CD300C: variants seen among roughly 807,000 people sequenced by gnomAD.
The protein encoded by CD300C is CD300c molecule, also known as CMRF35-like molecule 6.
A neutral mutation model predicts 18.4 loss-of-function variants in CD300C; 11 were observed. The observed-to-expected ratio is 0.60, with a 90% CI of 0.38 to 0.99. The LOEUF (loss-of-function observed/expected upper bound fraction) is 0.99, where lower values mean the gene tolerates loss of function less well. CD300C is among the 50% of genes least tolerant of loss of function. The pLI is 0.01. For synonymous variants in CD300C, 116 were observed against 116.3 expected, an observed-to-expected ratio of 1.00 and a Z score of 0.02; for missense variants, 277 against 287.4, an observed-to-expected ratio of 0.96 and a Z score of 0.26.
At chr17:74,545,644 C>T (rs1908734077) in intron 1 of CD300C, 78 bp downstream of exon 1, 9 of 1,170,000 alleles carry the variant, frequency 7.7e-6, no homozygotes, top group Non-Finnish European at 1.1e-5. Context: ...TCTATGACCG[C>T]TACTCCAGCG....
chr17:74,544,151 TG>T (rs1408210765), intron 2 of CD300C, among the ~76,000 whole-genome samples: 8 of 152,000 alleles, frequency 5.3e-5, no homozygotes, highest in Admixed American at 1.3e-4. Context: ...GAGCCAATGA[TG>T]GGGGGGTCCA....
chr17:74,541,507 C>G lies in CD300C; in HGVS notation c.*82G>C. 1.1e-6 allele frequency: 1 copy of G among 922,676 alleles called. No homozygotes were observed. Among genetic ancestry groups the G allele is most frequent in the Non-Finnish European group, 1.8e-6 (1 of 556,788 alleles). The allele number at this position is 922,676 out of a possible 1,614,324, so 57.2% of individuals were successfully genotyped here. ...ATTCCAGGAGATGTGGAGAGAGCAG[C>G]CCGGGAGGGAGTGGTCAGGAGGTCA... On this transcript the variant is annotated 3_prime_UTR_variant, in exon 4 of 4. Coordinates refer to ENST00000330793, the MANE Select transcript of CD300C (RefSeq NM_006678.5).
At chr17:74,543,402 G>T (rs1908629555) in intron 2 of CD300C, among the ~76,000 whole-genome samples, 1 of 152,226 alleles carries the variant, frequency 6.6e-6, no homozygotes, top group Non-Finnish European at 1.5e-5. Flanking sequence ...AAGTCAGTGG[G>T]GTCCTCCCTG....
intron 1 of CD300C, among the ~76,000 whole-genome samples, chr17:74,545,188 G>T (rs1208841472): frequency 6.6e-6 from 1 of 152,182 alleles, no homozygotes; most frequent in Admixed American, 6.5e-5. Context: ...GTGTGTGCGG[G>T]CCTGTGTGTG....
At chr17:74,539,398 A>T (rs1200343011), downstream of CD300C, among the ~76,000 whole-genome samples, 1 of 152,076 alleles carries the variant, frequency 6.6e-6, no homozygotes, top group African/African-American at 2.4e-5. Context: ...TTCAGGTCTG[A>T]CCTTGACCCA....
At chr17:74,541,854 C>T in intron 3 of CD300C, 118 bp from the exon 4 acceptor site, 1 of 1,081,060 alleles carries the variant, frequency 9.3e-7, no homozygotes, top group Non-Finnish European at 1.3e-6. Context: ...CATAAGCACC[C>T]CCCTGGACAG....
chr17:74,539,562 T>C (rs1908480098), downstream of CD300C, among the ~76,000 whole-genome samples: 1 of 152,158 alleles, frequency 6.6e-6, no homozygotes, highest in African/African-American at 2.4e-5. Flanking sequence ...TGGCTCCTGC[T>C]GTCACAGGAT....
chr17:74,535,079 A>G, the CD300C span, among the ~76,000 whole-genome samples: 1 of 152,260 alleles, frequency 6.6e-6, no homozygotes, highest in African/African-American at 2.4e-5. Flanking sequence ...ACAATTACTA[A>G]GATTTTTTGC....
Position 74,541,618 on chromosome 17 carries a change from G to T in CD300C, c.646C>A (p.Gln216Lys). ...NRPQRSSRSR[Q>K]NWPKGENQ Reference sequence around the variant, plus strand: ...TGGTTCTCACCCTTGGGCCAATTCTGCCTGCTTCTAGAGCTTCTCTGAGGT... The same window carrying T: ...TGGTTCTCACCCTTGGGCCAATTCTTCCTGCTTCTAGAGCTTCTCTGAGGT... The change falls in exon 4 of 4, where the codon CAG becomes AAG. Residue 216 changes from glutamine to lysine, a missense_variant. Physicochemically the swap from Gln to Lys is moderately conservative, Grantham distance 53. Coordinates refer to ENST00000330793, the MANE Select transcript of CD300C (RefSeq NM_006678.5). 2 of 1,613,866 alleles carry T rather than the reference G, an allele frequency of 1.2e-6. No homozygotes were observed. The highest frequency in any genetic ancestry group is 1.7e-6 in the Non-Finnish European group (2 of 1,179,808).
At position 74,542,958 on chromosome 17, in the gene CD300C, T is replaced by C. The variant is rs963308937; in HGVS notation, c.430A>G (p.Ser144Gly). The C allele has an allele frequency of 8.1e-6, 13 of 1,613,522 alleles. No individual in the cohort carries two copies. The highest frequency in any genetic ancestry group is 1.1e-5 in the Non-Finnish European group (13 of 1,180,020). The stretch of plus-strand genomic sequence containing the variant: ...GGAGGACCTGAGGTGCCCATGGAGC[T>C]CTGGGGGCTGGAGGCTGTGGTCGTC... ...AGTTTASSPQSSMGTSGPPTK... is the reference protein window; with the variant it reads ...AGTTTASSPQGSMGTSGPPTK... The change falls in exon 3 of 4, where the codon AGC becomes GGC. Residue 144 changes from serine to glycine, a missense_variant. Coordinates refer to ENST00000330793, the MANE Select transcript of CD300C (RefSeq NM_006678.5).
At chr17:74,536,490 G>T (rs1165845690), downstream of CD300C, among the ~76,000 whole-genome samples, 12 of 136,372 alleles carry the variant, frequency 8.8e-5, no homozygotes, top group Admixed American at 4.2e-4. Flanking sequence ...CCGAGATCAC[G>T]CCACTGCACT....
chr17:74,545,967 T>G lies in CD300C; in HGVS notation c.-185A>C. The G allele has an allele frequency of 1.7e-6, 1 of 597,970 alleles. No individual in the cohort carries two copies. Among genetic ancestry groups the G allele is most frequent in the Non-Finnish European group, 3.0e-6 (1 of 331,928 alleles). 37.0% of individuals were successfully genotyped at this position (597,970 alleles called of 1,614,324 possible). A position where few individuals can be genotyped will look rare whatever the true frequency, so the allele number is the denominator to read the frequency against. ...CAGGAAGCTCAGGGAGAGAGCCGCC[T>G]GGGCTGAGGCCGGTGCTGACAGCTC... On this transcript the variant is annotated 5_prime_UTR_variant, in exon 1 of 4. Transcript: ENST00000330793.
the CD300C span, among the ~76,000 whole-genome samples, chr17:74,535,593 A>G: frequency 6.6e-6 from 1 of 152,162 alleles, no homozygotes; most frequent in South Asian, 2.1e-4. Flanking sequence ...AAGACATTTT[A>G]AAAGCTCATA....
chr17:74,537,224 G>GA (rs1908408256), downstream of CD300C, among the ~76,000 whole-genome samples: 1 of 152,074 alleles, frequency 6.6e-6, no homozygotes, highest in Non-Finnish European at 1.5e-5. Flanking sequence ...AGAAAGAAAA[G>GA]AAACAACCTA....
chr17:74,539,753 G>A (rs1823051493), downstream of CD300C, among the ~76,000 whole-genome samples: 3 of 152,214 alleles, frequency 2.0e-5, no homozygotes, highest in African/African-American at 7.2e-5. Flanking sequence ...TTGCCTGCGT[G>A]TTCCTTGACC....
At chr17:74,543,663 G>A (rs1908641083) in intron 2 of CD300C, among the ~76,000 whole-genome samples, 1 of 152,162 alleles carries the variant, frequency 6.6e-6, no homozygotes, top group Non-Finnish European at 1.5e-5. Context: ...GGCGCAGGAG[G>A]GACACGTCGC....
Position 74,545,923 on chromosome 17 carries a change from G to A in CD300C, c.-141C>T. ...TGTCCAGCCCTGTCTCAGGTCTGAG[G>A]CTGGAGAGGGTCAGGGTACAGGAAG... is the stretch of plus-strand genomic sequence containing the variant. On this transcript the variant is annotated 5_prime_UTR_variant, in exon 1 of 4. Transcript: ENST00000330793. 1.3e-6 allele frequency: 1 copy of A among 741,554 alleles called. No individual in the cohort carries two copies. The highest frequency in any genetic ancestry group is 2.1e-5 in the Admixed American group (1 of 46,832). The allele number at this position is 741,554 out of a possible 1,614,324, so 45.9% of individuals were successfully genotyped here. A position where few individuals can be genotyped will look rare whatever the true frequency, so the allele number is the denominator to read the frequency against.
rs778044136 is a variant in CD300C, at chr17:74,544,633, C to G, written c.376G>C (p.Glu126Gln). The G allele has an allele frequency of 6.2e-7, 1 of 1,612,786 alleles. No homozygotes were observed. The highest frequency in any genetic ancestry group is 1.3e-5 in the African/African-American group (1 of 75,024). Residue 126 changes from glutamate (E) to glutamine (Q), a missense_variant, in exon 2 of 4, where the codon GAG becomes CAG. Physicochemically the swap from Glu to Gln is conservative, Grantham distance 29 (BLOSUM62 2). Transcript: ENST00000330793. The stretch of plus-strand genomic sequence containing the variant: ...CCCGGGAACACGGACACCTCAACCT[C>G]GACAATGGGATCATGAAAGTCTCGG... ...WLRDFHDPIV[E>Q]VEVSVFPAGT... is the part of the protein sequence containing the mutation.
chr17:74,539,498 A>G (rs1427456618), downstream of CD300C, among the ~76,000 whole-genome samples: 2 of 151,918 alleles, frequency 1.3e-5, no homozygotes, highest in Non-Finnish European at 2.9e-5. Flanking sequence ...ACAATGAGCA[A>G]TGTGACCCCT....
Sources: allele counts gnomAD v4.1 joint callset (sites outside exome capture counted in the v4.1 genomes callset), GRCh38; gene constraint gnomAD v4.1.1; transcripts MANE v1.5; gene names NCBI Gene and HGNC (gene_info 2026-07-23, HGNC 2026-07-21).